SMYD3: variants seen among roughly 807,000 people sequenced by gnomAD.
SMYD3 encodes the protein SET and MYND domain containing 3, also known as histone-lysine N-methyltransferase SMYD3.
Under a neutral mutation model 57.7 loss-of-function variants are expected in SMYD3, and 36 were observed. The observed-to-expected ratio is 0.62, with a 90% confidence interval of 0.48 to 0.82. The LOEUF (loss-of-function observed/expected upper bound fraction) is 0.82. Among genes scored for constraint, SMYD3 ranks in the 40% least tolerant of loss-of-function variants. SMYD3 has a pLI of 0.00. For synonymous variants in SMYD3, 211 were observed against 195.0 expected, an observed-to-expected ratio of 1.08 and a Z score of -0.68; for missense variants, 515 against 538.8, an observed-to-expected ratio of 0.96 and a Z score of 0.44.
rs960046824 is a variant in SMYD3 at position 246,496,165 on chromosome 1, T to G, written c.164+10889A>C. Reference sequence around the variant, plus strand: ...GATTCTCCTGCCTCAGCCTCCCAAGTGGTTGGGATTACAGGCGCACACCAC... The same window carrying G: ...GATTCTCCTGCCTCAGCCTCCCAAGGGGTTGGGATTACAGGCGCACACCAC... On this transcript the variant is annotated intron_variant, in intron 1 of 11. Transcript: ENST00000490107. 7.9e-5 allele frequency among the ~76,000 whole-genome samples: 12 copies of G among 151,664 alleles called. No homozygotes were observed. The East Asian group carries it at 2.0e-3, about 25-fold the overall frequency.
intron 4 of SMYD3, 102 bp from the exon 5 acceptor site, chr1:246,327,439 T>C (rs930403507): frequency 9.9e-7 from 1 of 1,006,072 alleles, no homozygotes; most frequent in Non-Finnish European, 1.5e-6. Context: ...TTTCCTACCT[T>C]ACATTGGATT....
chr1:246,411,940 C>T (rs547737036), intron 1 of SMYD3, among the ~76,000 whole-genome samples: 26 of 146,624 alleles, frequency 1.8e-4, no homozygotes, highest in Admixed American at 4.2e-4. Context: ...CAAACCTGCA[C>T]GTTGTGCACA....
At chr1:246,443,467 C>A (rs916536139) in intron 1 of SMYD3, among the ~76,000 whole-genome samples, 3 of 152,206 alleles carry the variant, frequency 2.0e-5, no homozygotes, top group Admixed American at 1.3e-4. Flanking sequence ...AAAAGCGATT[C>A]AGCAATTGAG....
intron 4 of SMYD3, among the ~76,000 whole-genome samples, chr1:246,329,599 T>C (rs2065425263): frequency 6.6e-6 from 1 of 152,192 alleles, no homozygotes. Flanking sequence ...TAGCCCTTTG[T>C]CAGATGAGTA....
chr1:246,338,754 T>C (rs1183050939), intron 2 of SMYD3, among the ~76,000 whole-genome samples: 1 of 152,242 alleles, frequency 6.6e-6, no homozygotes, highest in African/African-American at 2.4e-5. Context: ...TGTATTTTTA[T>C]AGTATTTATA....
intron 5 of SMYD3, among the ~76,000 whole-genome samples, chr1:246,078,447 T>G (rs1408803638): frequency 6.6e-6 from 1 of 152,202 alleles, no homozygotes; most frequent in African/African-American, 2.4e-5. Flanking sequence ...AAAAGTAACT[T>G]TGAAATGACC....
At chr1:246,296,291 GC>G (rs2064793872) in intron 5 of SMYD3, among the ~76,000 whole-genome samples, 1 of 152,106 alleles carries the variant, frequency 6.6e-6, no homozygotes, top group South Asian at 2.1e-4. Flanking sequence ...GGTAACACTT[GC>G]CCCCACAACT....
intron 1 of SMYD3, among the ~76,000 whole-genome samples, chr1:246,398,623 T>C (rs1001179159): frequency 2.6e-5 from 4 of 152,174 alleles, no homozygotes; most frequent in African/African-American, 7.2e-5. Context: ...TGGTAAACAG[T>C]ACATTCAGGG....
At chr1:245,798,632 A>G (rs2148227253) in intron 10 of SMYD3, among the ~76,000 whole-genome samples, 1 of 152,004 alleles carries the variant, frequency 6.6e-6, no homozygotes, top group East Asian at 2.0e-4. Context: ...GTGTTTTCTC[A>G]GGCTGGGCTT....
chr1:246,407,433 A>G (rs1572470963), intron 1 of SMYD3, among the ~76,000 whole-genome samples: 1 of 152,230 alleles, frequency 6.6e-6, no homozygotes, highest in East Asian at 1.9e-4. Flanking sequence ...CATTCACAGT[A>G]AGGCTGCGCC....
intron 5 of SMYD3, among the ~76,000 whole-genome samples, chr1:245,977,461 T>C (rs2058476820): frequency 6.6e-6 from 1 of 152,098 alleles, no homozygotes; most frequent in South Asian, 2.1e-4. Flanking sequence ...GGCAGATCAC[T>C]TGAGGCCACG....
intron 10 of SMYD3, among the ~76,000 whole-genome samples, chr1:245,839,630 G>C (rs10802278): frequency 4.0e-5 from 6 of 151,580 alleles, no homozygotes; most frequent in Non-Finnish European, 8.8e-5. Flanking sequence ...TGATGGATAC[G>C]CAACTATGTG....
rs552790777 is a variant in SMYD3, at chr1:246,260,847, G to A, written c.531+66354C>T. Among the ~76,000 whole-genome samples, 3 of 152,244 alleles carry A rather than the reference G, an allele frequency of 2.0e-5. No individual in the cohort carries two copies. The South Asian group carries it at 6.2e-4, about 32-fold the overall frequency. On this transcript the variant is annotated intron_variant, in intron 5 of 11. Coordinates refer to ENST00000490107, the MANE Select transcript of SMYD3 (RefSeq NM_001167740.2). Reference sequence around the variant, plus strand: ...ATCTGCCATCTTAGAGAAACAATCTGCACTTTATAAATGGACAGGTAAATC... The same window carrying A: ...ATCTGCCATCTTAGAGAAACAATCTACACTTTATAAATGGACAGGTAAATC...
chr1:246,333,004 A>G (rs914979074), intron 3 of SMYD3, among the ~76,000 whole-genome samples: 11 of 152,232 alleles, frequency 7.2e-5, no homozygotes, highest in Admixed American at 2.0e-4. Flanking sequence ...AGCTAGAGAG[A>G]ATTCAATGCC....
chr1:246,001,639 A>C (rs182057679), intron 5 of SMYD3, among the ~76,000 whole-genome samples: 1 of 152,330 alleles, frequency 6.6e-6, no homozygotes, highest in African/African-American at 2.4e-5. Context: ...ATAAATGACT[A>C]ACATTTTATG....
intron 10 of SMYD3, among the ~76,000 whole-genome samples, chr1:245,800,923 A>G (rs1406630337): frequency 2.0e-5 from 3 of 152,244 alleles, no homozygotes; most frequent in African/African-American, 7.2e-5. Context: ...TTAGTTGGAC[A>G]TAATTGTGTA....
intron 5 of SMYD3, among the ~76,000 whole-genome samples, chr1:246,219,354 C>A (rs1366827181): frequency 6.6e-6 from 1 of 152,080 alleles, no homozygotes. Context: ...AGAGGGACAG[C>A]CTGACGGGGT....
intron 1 of SMYD3, among the ~76,000 whole-genome samples, chr1:246,397,374 A>G (rs186227604): frequency 6.6e-6 from 1 of 152,260 alleles, no homozygotes; most frequent in East Asian, 1.9e-4. Flanking sequence ...CCTGGTGCCA[A>G]AAAGGTTGGG....
At chr1:245,791,013 T>A (rs1024766364) in intron 10 of SMYD3, among the ~76,000 whole-genome samples, 1 of 152,080 alleles carries the variant, frequency 6.6e-6, no homozygotes, top group African/African-American at 2.4e-5. Flanking sequence ...TTGGTCTCTG[T>A]CCTAAGAAAT....
Sources: gnomAD v4.1 joint callset for allele counts (sites outside exome capture counted in the v4.1 genomes callset) on GRCh38, gnomAD v4.1.1 for gene constraint, MANE v1.5 for transcripts, NCBI Gene and HGNC (gene_info 2026-07-23, HGNC 2026-07-21) for gene names.